The following PTPRD variants were observed in gnomAD, a reference collection of about 807,000 sequenced individuals.
PTPRD encodes protein tyrosine phosphatase receptor type D.
PTPRD carries 34 observed loss-of-function variants against 214.5 expected under a neutral mutation model. The observed-to-expected ratio is 0.16, with a 90% CI of 0.12 to 0.21. The LOEUF is 0.21. Among genes scored for constraint, PTPRD ranks in the 10% least tolerant of loss-of-function variants. The probability of loss-of-function intolerance (pLI) is 1.00; values close to 1 mark genes in which losing one functional copy is unlikely to be tolerated. For synonymous variants in PTPRD, 1,128 were observed against 845.7 expected, an observed-to-expected ratio of 1.33 and a Z score of -5.79; for missense variants, 2,545 against 2,398.7, an observed-to-expected ratio of 1.06 and a Z score of -1.27.
chr9:8,675,393 A>C (rs1174807560), intron 12 of PTPRD, among the ~76,000 whole-genome samples: 1 of 151,900 alleles, frequency 6.6e-6, no homozygotes, highest in East Asian at 1.9e-4. Flanking sequence ...TAATCAATAG[A>C]TGAGCTTCAA....
Position 9,445,021 on chromosome 9 carries a change from A to T in PTPRD, c.-236-47539T>A, listed in dbSNP as rs576729195. ...TTAAATTATTTCTTGATCAAATTTT[A>T]AAAAAATGAGTGAGCAACAAACACA... On this transcript the variant is annotated intron_variant, in intron 8 of 45. Coordinates refer to ENST00000381196, the MANE Select transcript of PTPRD (RefSeq NM_002839.4). 7.2e-5 allele frequency among the ~76,000 whole-genome samples: 11 copies of T among 152,262 alleles called. No individual in the cohort carries two copies. In the East Asian group the frequency reaches 9.7e-4, roughly 13 times the overall value.
chr9:9,911,895 C>G (rs1029331569), intron 5 of PTPRD, among the ~76,000 whole-genome samples: 3 of 152,010 alleles, frequency 2.0e-5, no homozygotes, highest in Non-Finnish European at 4.4e-5. Context: ...GTCATTTTTA[C>G]TTAAAATACA....
chr9:8,856,410 C>G (rs868447504), intron 11 of PTPRD, among the ~76,000 whole-genome samples: 6 of 152,268 alleles, frequency 3.9e-5, no homozygotes, highest in South Asian at 4.1e-4. Flanking sequence ...AGGATAAAGT[C>G]CACATTTGTA....
chr9:8,673,778 G>A (rs1030503786), intron 12 of PTPRD, among the ~76,000 whole-genome samples: 2 of 152,170 alleles, frequency 1.3e-5, no homozygotes, highest in East Asian at 1.9e-4. Context: ...CATAACGAGT[G>A]CACTGAAGTA....
intron 3 of PTPRD, among the ~76,000 whole-genome samples, chr9:10,101,987 C>T (rs2098555803): frequency 6.6e-6 from 1 of 151,604 alleles, no homozygotes; most frequent in African/African-American, 2.4e-5. Context: ...CCATACACAT[C>T]CCACGTTTTA....
chr9:9,370,760 G>T (rs2059252618), intron 9 of PTPRD, among the ~76,000 whole-genome samples: 1 of 152,016 alleles, frequency 6.6e-6, no homozygotes, highest in Non-Finnish European at 1.5e-5. Flanking sequence ...GTCATAGATA[G>T]CTCTTATTAT....
intron 7 of PTPRD, among the ~76,000 whole-genome samples, chr9:9,652,648 CT>C (rs1179555380): frequency 6.7e-6 from 1 of 148,646 alleles, no homozygotes; most frequent in Non-Finnish European, 1.5e-5. Context: ...TAGTTTCACT[CT>C]TTTTGCCCAG....
chr9:8,893,728 C>T (rs1197737233), intron 11 of PTPRD, among the ~76,000 whole-genome samples: 1 of 152,024 alleles, frequency 6.6e-6, no homozygotes, highest in Non-Finnish European at 1.5e-5. Flanking sequence ...ATAAGATACA[C>T]ATTTGAAAAT....
rs869096131 is a variant in PTPRD at position 9,976,689 on chromosome 9, C to CAAAAAAAAAAAAAAAAAAA, written c.-471-38098_-471-38080dup. On this transcript the variant is annotated intron_variant, in intron 4 of 45. Transcript: ENST00000381196. ...GGTGTGAGCCACTACACCCTGCCAC[C>CAAAAAAAAAAAAAAAAAAA]AAAAAAAAAAAAAAAAAAAAAAATT... Among the ~76,000 whole-genome samples, 60 of 63,244 alleles carry CAAAAAAAAAAAAAAAAAAA rather than the reference C, an allele frequency of 9.5e-4. 2 individuals are homozygous for CAAAAAAAAAAAAAAAAAAA. The highest frequency in any genetic ancestry group is 3.3e-3 in the East Asian group (4 of 1,216). 41.5% of individuals were successfully genotyped at this position (63,244 alleles called of 152,430 possible).
At chr9:8,631,382 G>C (rs1031995939) in intron 14 of PTPRD, among the ~76,000 whole-genome samples, 3 of 151,716 alleles carry the variant, frequency 2.0e-5, no homozygotes, top group East Asian at 1.9e-4. Context: ...TTCCACCCTT[G>C]ATGGTTGGGC....
intron 7 of PTPRD, among the ~76,000 whole-genome samples, chr9:9,597,445 A>C (rs2093437171): frequency 6.6e-6 from 1 of 152,076 alleles, no homozygotes; most frequent in Non-Finnish European, 1.5e-5. Context: ...ATTAAGCTAA[A>C]GGAAAAATAA....
intron 7 of PTPRD, among the ~76,000 whole-genome samples, chr9:9,592,129 G>T (rs976208758): frequency 1.3e-5 from 2 of 151,896 alleles, no homozygotes; most frequent in African/African-American, 4.8e-5. Context: ...TTTAGCCATT[G>T]TCATAACACT....
chr9:9,019,359 A>G (rs898926800), intron 10 of PTPRD, among the ~76,000 whole-genome samples: 3 of 149,528 alleles, frequency 2.0e-5, no homozygotes, highest in Admixed American at 2.0e-4. Flanking sequence ...AAAGAAAGAA[A>G]GAATCTGAAT....
chr9:9,651,059 TAAGA>T (rs1292658686), intron 7 of PTPRD, among the ~76,000 whole-genome samples: 1 of 152,118 alleles, frequency 6.6e-6, no homozygotes, highest in African/African-American at 2.4e-5. Flanking sequence ...AAACTTGTAC[TAAGA>T]AAGGATAAAT....
At chr9:10,340,374 T>G (rs1380238976) in intron 3 of PTPRD, among the ~76,000 whole-genome samples, 2 of 151,924 alleles carry the variant, frequency 1.3e-5, no homozygotes, top group Non-Finnish European at 2.9e-5. Context: ...GATTTAGTTT[T>G]CTCTTAGCAC....
At chr9:8,705,062 G>C (rs1373269505) in intron 12 of PTPRD, among the ~76,000 whole-genome samples, 2 of 151,806 alleles carry the variant, frequency 1.3e-5, no homozygotes, top group Non-Finnish European at 2.9e-5. Context: ...ACTTCTATCT[G>C]AGCCTCTCCT....
chr9:8,608,413 C>G (rs1262279822), intron 14 of PTPRD, among the ~76,000 whole-genome samples: 3 of 152,254 alleles, frequency 2.0e-5, no homozygotes, highest in Admixed American at 6.5e-5. Context: ...TTTCCAAACT[C>G]TAGAATGCCA....
chr9:9,357,664 C>T (rs573280734), intron 9 of PTPRD, among the ~76,000 whole-genome samples: 36 of 150,116 alleles, frequency 2.4e-4, no homozygotes, highest in African/African-American at 8.5e-4. Flanking sequence ...TATAAGGTAC[C>T]ACAATAAAAT....
At chr9:9,835,415 A>T (rs569421720) in intron 5 of PTPRD, among the ~76,000 whole-genome samples, 1 of 152,108 alleles carries the variant, frequency 6.6e-6, no homozygotes, top group East Asian at 1.9e-4. Context: ...AGGCTTTCTA[A>T]CTTGTAAAGG....
Sources: allele counts gnomAD v4.1 joint callset (sites outside exome capture counted in the v4.1 genomes callset), GRCh38; gene constraint gnomAD v4.1.1; transcripts MANE v1.5; gene names NCBI Gene and HGNC (gene_info 2026-07-23, HGNC 2026-07-21).